FBXL13: variants seen among roughly 807,000 people sequenced by gnomAD.
FBXL13 encodes the protein F-box and leucine-rich repeat protein 13.
Under a neutral mutation model 83.6 loss-of-function variants are expected in FBXL13, and 67 were observed. The ratio of observed to expected loss-of-function variants is 0.80; its 90% CI spans 0.66 to 0.98. The LOEUF is 0.98. Among genes scored for constraint, FBXL13 ranks in the 50% least tolerant of loss-of-function variants. FBXL13 has a pLI of 0.00. For synonymous variants in FBXL13, 272 were observed against 299.5 expected, an observed-to-expected ratio of 0.91 and a Z score of 0.95; for missense variants, 822 against 866.5, an observed-to-expected ratio of 0.95 and a Z score of 0.64.
intron 6 of FBXL13, among the ~76,000 whole-genome samples, chr7:102,980,587 C>T (rs1554489756): frequency 6.6e-6 from 1 of 152,128 alleles, no homozygotes; most frequent in Non-Finnish European, 1.5e-5. Flanking sequence ...ACCATCTTGG[C>T]TAACATGGTG....
chr7:102,959,706 C>A (rs929248084), intron 8 of FBXL13, among the ~76,000 whole-genome samples: 2 of 151,756 alleles, frequency 1.3e-5, no homozygotes, highest in African/African-American at 4.8e-5. Context: ...GAAAACGCAT[C>A]TCAAAGGATA....
intron 8 of FBXL13, among the ~76,000 whole-genome samples, chr7:102,941,397 A>G (rs745864270): frequency 2.0e-5 from 3 of 152,120 alleles, no homozygotes; most frequent in Non-Finnish European, 4.4e-5. Context: ...AACCTGACCA[A>G]TCAGCACTCC....
intron 11 of FBXL13, among the ~76,000 whole-genome samples, chr7:102,905,012 A>G (rs1813532388): frequency 6.6e-6 from 1 of 152,130 alleles, no homozygotes; most frequent in Non-Finnish European, 1.5e-5. Flanking sequence ...ATGTTTTAAG[A>G]TTTGTTTTGT....
chr7:102,934,300 CAA>C, intron 8 of FBXL13: 1 of 1,614,136 alleles, frequency 6.2e-7, no homozygotes, highest in Non-Finnish European at 8.5e-7. Context: ...TTGGTTTAAA[CAA>C]ACTCACCACC....
At chr7:102,910,435 A>T (rs1025622250) in intron 11 of FBXL13, among the ~76,000 whole-genome samples, 2 of 147,768 alleles carry the variant, frequency 1.4e-5, no homozygotes, top group African/African-American at 5.0e-5. Flanking sequence ...ATTCACATGG[A>T]GTGCTGTATG....
intron 6 of FBXL13, among the ~76,000 whole-genome samples, chr7:102,989,887 G>A (rs1048422727): frequency 1.3e-5 from 2 of 152,176 alleles, no homozygotes; most frequent in African/African-American, 2.4e-5. Flanking sequence ...TGCTGTATAT[G>A]TAGAATTCAG....
At chr7:102,818,635 C>T (rs918923294) in intron 19 of FBXL13, among the ~76,000 whole-genome samples, 39 of 152,134 alleles carry the variant, frequency 2.6e-4, no homozygotes, top group African/African-American at 8.7e-4. Context: ...GTTTAAGCTT[C>T]TAGCAACTGC....
chr7:102,974,600 C>A (rs1053573945), intron 6 of FBXL13, among the ~76,000 whole-genome samples: 6 of 152,092 alleles, frequency 3.9e-5, no homozygotes, highest in African/African-American at 1.4e-4. Flanking sequence ...TTATGTCCAG[C>A]CCTGTTTGCA....
intron 17 of FBXL13, among the ~76,000 whole-genome samples, chr7:102,846,920 G>A (rs1398273579): frequency 6.6e-6 from 1 of 152,002 alleles, no homozygotes; most frequent in Non-Finnish European, 1.5e-5. Context: ...CAGCTAACCT[G>A]TAGTTCTTCT....
At chr7:103,055,684 T>C in exon 2 of FBXL13, 1 of 1,285,996 alleles carries the variant, frequency 7.8e-7, no homozygotes, top group South Asian at 1.3e-5. Flanking sequence ...ATAACCATGA[T>C]CATTCCCTCT....
exon 12 of FBXL13, chr7:102,884,298 G>T: frequency 6.2e-7 from 1 of 1,613,348 alleles, no homozygotes; most frequent in Non-Finnish European, 8.5e-7. Context: ...TGTACCTGAA[G>T]CCTTGGACTG....
chr7:102,970,395 C>T (rs73408272), intron 6 of FBXL13, among the ~76,000 whole-genome samples: 20,881 of 151,928 alleles, frequency 0.14, 1,573 homozygotes, highest in East Asian at 0.3. Flanking sequence ...CAAAGGCCAG[C>T]GATTATGTGT....
chr7:102,978,526 A>C (rs566804423), intron 6 of FBXL13: 1 of 155,194 alleles, frequency 6.4e-6, no homozygotes, highest in Admixed American at 6.5e-5. Context: ...TCCAGGTACC[A>C]CATAGCAGTT....
At chr7:102,855,929 G>A (rs904191257) in intron 16 of FBXL13, among the ~76,000 whole-genome samples, 2 of 148,684 alleles carry the variant, frequency 1.3e-5, no homozygotes, top group African/African-American at 4.9e-5. Flanking sequence ...TAATAAAAAT[G>A]TTTTATTTAA....
chr7:102,892,100 G>A (rs1454012428), intron 11 of FBXL13, among the ~76,000 whole-genome samples: 3 of 152,164 alleles, frequency 2.0e-5, no homozygotes, highest in African/African-American at 4.8e-5. Flanking sequence ...ATAGGGAGAA[G>A]AGAATAAGAA....
intron 10 of FBXL13, among the ~76,000 whole-genome samples, chr7:102,919,934 C>T (rs1816661917): frequency 6.6e-6 from 1 of 152,124 alleles, no homozygotes. Context: ...AGACTACATA[C>T]TCATTATAAA....
intron 16 of FBXL13, among the ~76,000 whole-genome samples, chr7:102,870,078 C>CAATT (rs1400357752): frequency 1.3e-5 from 2 of 152,126 alleles, no homozygotes; most frequent in African/African-American, 4.8e-5. Flanking sequence ...ATAACACATA[C>CAATT]AATTAAAACT....
chr7:102,884,357 G>A (rs1478943756), intron 11 of FBXL13, 45 bp from the exon 13 acceptor site: 2 of 1,420,500 alleles, frequency 1.4e-6, no homozygotes, highest in South Asian at 2.4e-5. Context: ...GCATTAGCAT[G>A]ATAAAAATCC....
chr7:102,835,615 T>TG (rs1247254488), intron 17 of FBXL13, among the ~76,000 whole-genome samples: 2 of 92,466 alleles, frequency 2.2e-5, no homozygotes, highest in Non-Finnish European at 4.8e-5. Flanking sequence ...TTTTTTTTTT[T>TG]TTTTTTTTTT....
Sources: allele counts gnomAD v4.1 joint callset (sites outside exome capture counted in the v4.1 genomes callset), GRCh38; gene constraint gnomAD v4.1.1; transcripts MANE v1.5; gene names NCBI Gene and HGNC (gene_info 2026-07-23, HGNC 2026-07-21).